Variants in HHIPL1 observed in about 807,000 individuals in gnomAD.
The protein encoded by HHIPL1 is HHIP like 1, also known as HHIP-like protein 1.
A neutral mutation model predicts 61.8 loss-of-function variants in HHIPL1; 43 were observed. The observed-to-expected ratio is 0.70, with a 90% CI of 0.55 to 0.90. HHIPL1 has a LOEUF of 0.90. Ranked by LOEUF, HHIPL1 falls within the 40% of genes least tolerant of loss-of-function variation. The pLI is 0.00. For missense variants in HHIPL1, 1,056 were observed against 1,157.7 expected, an observed-to-expected ratio of 0.91 and a Z score of 1.28; for synonymous variants, 482 against 515.8, an observed-to-expected ratio of 0.93 and a Z score of 0.89.
chr14:99,674,175 G>A (rs920503111), intron 8 of HHIPL1, among the ~76,000 whole-genome samples: 6 of 152,006 alleles, frequency 3.9e-5, no homozygotes, highest in African/African-American at 9.7e-5. Flanking sequence ...GAAGTGGGGC[G>A]GGATTAAAGA....
the HHIPL1 span, among the ~76,000 whole-genome samples, chr14:99,633,244 C>T: frequency 1.3e-5 from 2 of 152,208 alleles, no homozygotes; most frequent in African/African-American, 4.8e-5. Flanking sequence ...GACCCTGCAG[C>T]CCAGAAGGTC....
intron 6 of HHIPL1, among the ~76,000 whole-genome samples, chr14:99,665,851 G>A (rs1167636913): frequency 6.6e-6 from 1 of 151,614 alleles, no homozygotes; most frequent in Non-Finnish European, 1.5e-5. Flanking sequence ...GTGTGATCTC[G>A]GCTCACTGCA....
At chr14:99,656,099 C>T (rs1017344635) in intron 2 of HHIPL1, among the ~76,000 whole-genome samples, 2 of 152,092 alleles carry the variant, frequency 1.3e-5, no homozygotes, top group Non-Finnish European at 2.9e-5. Context: ...CTGAGTGCAC[C>T]GCACACCGTC....
chr14:99,642,193 A>G (rs984614271), upstream of HHIPL1, among the ~76,000 whole-genome samples: 1 of 150,180 alleles, frequency 6.7e-6, no homozygotes, highest in Non-Finnish European at 1.5e-5. Context: ...GCCCGCCTCC[A>G]CCTCCCAAAG....
chr14:99,656,296 A>C (rs1258372059), intron 2 of HHIPL1, among the ~76,000 whole-genome samples: 1 of 152,116 alleles, frequency 6.6e-6, no homozygotes, highest in East Asian at 1.9e-4. Flanking sequence ...AAAACAAAAC[A>C]CTAGGCCAGA....
chr14:99,674,311 G>GA (rs2056360818), intron 8 of HHIPL1, among the ~76,000 whole-genome samples: 1 of 151,330 alleles, frequency 6.6e-6, no homozygotes, highest in African/African-American at 2.4e-5. Context: ...GCAAAGTGTA[G>GA]ATTGAGGTCT....
At chr14:99,667,937 G>A (rs149193543) in intron 6 of HHIPL1, among the ~76,000 whole-genome samples, 4 of 152,296 alleles carry the variant, frequency 2.6e-5, no homozygotes, top group East Asian at 1.9e-4. Flanking sequence ...CTGGGTCACC[G>A]GGAAAAGGCA....
Position 99,659,510 on chromosome 14 carries a change from C to A in HHIPL1, c.1129C>A (p.Pro377Thr), listed in dbSNP as rs1414193687. ...GLPYGIPPDN[P>T]FVGDPAAQPE... is the part of the protein sequence containing the mutation. ...GCCCTACGGCATCCCGCCCGACAAC[C>A]CGTTCGTGGGCGACCCCGCGGCGCA... The change falls in exon 4 of 9, where the codon CCG becomes ACG. Residue 377 changes from proline (P) to threonine (T), a missense_variant. Coordinates refer to ENST00000330710, the MANE Select transcript of HHIPL1 (RefSeq NM_001127258.3). 1 of 1,542,452 alleles carries A rather than the reference C, an allele frequency of 6.5e-7. No individual in the cohort carries two copies. The highest frequency in any genetic ancestry group is 1.2e-5 in the South Asian group (1 of 83,632).
the HHIPL1 span, among the ~76,000 whole-genome samples, chr14:99,615,665 GAAAA>G: frequency 6.9e-6 from 1 of 144,606 alleles, no homozygotes; most frequent in African/African-American, 2.6e-5. Flanking sequence ...GAGAAAGAAA[GAAAA>G]AGAAAGAAGG....
chr14:99,615,189 T>A, the HHIPL1 span, among the ~76,000 whole-genome samples: 1 of 150,384 alleles, frequency 6.6e-6, no homozygotes, highest in East Asian at 2.0e-4. Context: ...ATTTTCCAAT[T>A]AAAAAAAAAT....
At chr14:99,670,813 T>C (rs1178917979) in intron 7 of HHIPL1, among the ~76,000 whole-genome samples, 1 of 152,218 alleles carries the variant, frequency 6.6e-6, no homozygotes, top group Non-Finnish European at 1.5e-5. Flanking sequence ...CTGCTTGATT[T>C]TCTGCTGAGT....
At chr14:99,637,201 G>GAAGAAAGAAAGAAAGAAAGA in the HHIPL1 span, among the ~76,000 whole-genome samples, 29 of 87,318 alleles carry the variant, frequency 3.3e-4, no homozygotes, top group East Asian at 4.2e-4. Context: ...AGAAAGAAAG[G>GAAGAAAGAAAGAAAGAAAGA]AAGAAAGAAA....
chr14:99,645,574 C>A, intron 1 of HHIPL1, 112 bp downstream of exon 1: 1 of 1,124,980 alleles, frequency 8.9e-7, no homozygotes, highest in Non-Finnish European at 1.1e-6. Flanking sequence ...GACTCGGGAA[C>A]TCTAAGCCCC....
chr14:99,666,600 G>GAGTTCCTCA (rs2056249957), intron 6 of HHIPL1, among the ~76,000 whole-genome samples: 1 of 152,214 alleles, frequency 6.6e-6, no homozygotes, highest in Admixed American at 6.5e-5. Flanking sequence ...ATGAACCAGG[G>GAGTTCCTCA]AGTTCCTCAA....
chr14:99,622,806 C>T, the HHIPL1 span, among the ~76,000 whole-genome samples: 1 of 152,338 alleles, frequency 6.6e-6, no homozygotes, highest in East Asian at 1.9e-4. Context: ...CTCTGAGCCT[C>T]ACTTTCCTCG....
At chr14:99,637,987 A>G in the HHIPL1 span, among the ~76,000 whole-genome samples, 1 of 152,324 alleles carries the variant, frequency 6.6e-6, no homozygotes, top group East Asian at 1.9e-4. Flanking sequence ...TCGTGTTTTA[A>G]AAAGGATTTC....
chr14:99,610,097 C>T, the HHIPL1 span, among the ~76,000 whole-genome samples: 61 of 152,322 alleles, frequency 4.0e-4, no homozygotes, highest in African/African-American at 1.5e-3. Flanking sequence ...CAGCCAGAGC[C>T]ATGGAAATTC....
chr14:99,631,098 TTCTTTCTTTCTCTC>T, the HHIPL1 span, among the ~76,000 whole-genome samples: 2 of 133,024 alleles, frequency 1.5e-5, no homozygotes, highest in African/African-American at 5.6e-5. Flanking sequence ...CTTTCTTTCT[TTCTTTCTTTCTCTC>T]TCTTTCTTTC....
Position 99,659,674 on chromosome 14 carries a change from G to A in HHIPL1, c.1293G>A (p.Val431=). Residue 431 remains valine, a synonymous_variant, in exon 4 of 9, where the codon GTG becomes GTA. Coordinates refer to ENST00000330710, the MANE Select transcript of HHIPL1 (RefSeq NM_001127258.3). ...ACAAGTTCGAGGAGGTGGACGTGGT[G>A]GAGCGCGGCGGCAACTATGGCTGGC... ...GQNKFEEVDV[V]ERGGNYGWRA... 1 of 1,536,554 alleles carries A rather than the reference G, an allele frequency of 6.5e-7. No homozygotes were observed. Among genetic ancestry groups the A allele is most frequent in the Non-Finnish European group, 8.7e-7 (1 of 1,146,400 alleles).
Sources: allele counts gnomAD v4.1 joint callset (sites outside exome capture counted in the v4.1 genomes callset), GRCh38; gene constraint gnomAD v4.1.1; transcripts MANE v1.5; gene names NCBI Gene and HGNC (gene_info 2026-07-23, HGNC 2026-07-21).